The following HTR4 variants were observed in gnomAD, a reference collection of about 807,000 sequenced individuals.
HTR4 encodes 5-hydroxytryptamine receptor 4, also known as 5-hydroxytryptamine (serotonin) receptor 4, G protein-coupled.
A neutral mutation model predicts 36.8 loss-of-function variants in HTR4; 16 were observed. The observed-to-expected ratio is 0.43, with a 90% CI of 0.29 to 0.66. The LOEUF is 0.66. Among genes scored for constraint, HTR4 ranks in the 30% least tolerant of loss-of-function variants. The pLI is 0.13. For synonymous variants in HTR4, 189 were observed against 185.1 expected, an observed-to-expected ratio of 1.02 and a Z score of -0.17; for missense variants, 438 against 490.9, an observed-to-expected ratio of 0.89 and a Z score of 1.02.
In HTR4 at chr5:148,481,793, A is replaced by C; in HGVS notation, c.*1410T>G. On this transcript the variant is annotated 3_prime_UTR_variant, in exon 7 of 7. Transcript: ENST00000377888. ...CATTTACCTTCCCGGGACTTCTGCTATGGGGCATTCGCAAGAGCCACTGAC... is the reference window on the plus strand; with the variant it reads ...CATTTACCTTCCCGGGACTTCTGCTCTGGGGCATTCGCAAGAGCCACTGAC... 1 of 1,375,444 alleles carries C rather than the reference A, an allele frequency of 7.3e-7. No individual in the cohort carries two copies. Among genetic ancestry groups the C allele is most frequent in the South Asian group, 2.0e-5 (1 of 51,074 alleles). The allele number at this position is 1,375,444 out of a possible 1,614,324, so 85.2% of individuals were successfully genotyped here.
In HTR4 at chr5:148,481,862, G is replaced by A; in HGVS notation, c.*1341C>T. 1 of 1,261,920 alleles carries A rather than the reference G, an allele frequency of 7.9e-7. No individual in the cohort carries two copies. Among genetic ancestry groups the A allele is most frequent in the Non-Finnish European group, 9.9e-7 (1 of 1,006,776 alleles). The allele number at this position is 1,261,920 out of a possible 1,614,324, so 78.2% of individuals were successfully genotyped here. Reference sequence around the variant, plus strand: ...CATCCAGATTAATCTGAAGGACAAAGCTGGAAAGGTCAGGGGTCTAAAAGG... The same window carrying A: ...CATCCAGATTAATCTGAAGGACAAAACTGGAAAGGTCAGGGGTCTAAAAGG... On this transcript the variant is annotated 3_prime_UTR_variant, in exon 7 of 7. Coordinates refer to ENST00000377888, the MANE Select transcript of HTR4 (RefSeq NM_000870.7).
At chr5:148,490,951 G>A in intron 6 of HTR4, 1 of 405,582 alleles carries the variant, frequency 2.5e-6, no homozygotes, top group Admixed American at 3.0e-5. Flanking sequence ...ATTCTGTAGA[G>A]AAAATCATGG....
intron 5 of HTR4, among the ~76,000 whole-genome samples, chr5:148,517,930 T>C (rs1198363510): frequency 1.3e-5 from 2 of 152,174 alleles, no homozygotes; most frequent in African/African-American, 4.8e-5. Context: ...CTTTCTCCTA[T>C]ATATTTTTTT....
intron 2 of HTR4, among the ~76,000 whole-genome samples, chr5:148,556,457 A>G (rs1245238377): frequency 1.3e-5 from 2 of 152,224 alleles, no homozygotes; most frequent in Non-Finnish European, 2.9e-5. Flanking sequence ...TAAATTTCTT[A>G]TTCATCAAAT....
intron 4 of HTR4, among the ~76,000 whole-genome samples, chr5:148,542,338 A>G (rs1759158338): frequency 6.6e-6 from 1 of 152,236 alleles, no homozygotes; most frequent in African/African-American, 2.4e-5. Flanking sequence ...ACAATGACAG[A>G]CACTTTTCAT....
chr5:148,506,055 C>T (rs1028320403), intron 6 of HTR4, among the ~76,000 whole-genome samples: 39 of 151,946 alleles, frequency 2.6e-4, no homozygotes, highest in African/African-American at 8.0e-4. Context: ...AAAAAGAGCC[C>T]GCATTGCCAA....
intron 2 of HTR4, among the ~76,000 whole-genome samples, chr5:148,609,264 G>A (rs1367258972): frequency 6.6e-6 from 1 of 152,292 alleles, no homozygotes; most frequent in East Asian, 1.9e-4. Context: ...TTTGTTCAGT[G>A]TTCCACTGAT....
intron 2 of HTR4, among the ~76,000 whole-genome samples, chr5:148,621,454 C>A (rs1288486735): frequency 1.3e-5 from 2 of 152,210 alleles, no homozygotes; most frequent in Non-Finnish European, 2.9e-5. Context: ...CCACCTAGCA[C>A]ACCTAGCAGT....
intron 5 of HTR4, among the ~76,000 whole-genome samples, chr5:148,516,075 T>A (rs1468325225): frequency 6.6e-6 from 1 of 151,006 alleles, no homozygotes; most frequent in Admixed American, 6.6e-5. Context: ...ATCAGAATGG[T>A]CTGTAATAAA....
intron 4 of HTR4, among the ~76,000 whole-genome samples, chr5:148,547,368 A>C (rs1254600430): frequency 6.6e-6 from 1 of 151,896 alleles, no homozygotes; most frequent in East Asian, 1.9e-4. Flanking sequence ...AAATACAAAA[A>C]ATTAGCTGGG....
intron 4 of HTR4, among the ~76,000 whole-genome samples, chr5:148,542,871 T>C (rs759633486): frequency 2.0e-5 from 3 of 152,166 alleles, no homozygotes; most frequent in Admixed American, 6.5e-5. Flanking sequence ...TAAGGGGAAC[T>C]GGTATCTCCT....
intron 5 of HTR4, among the ~76,000 whole-genome samples, chr5:148,519,128 A>G (rs989089835): frequency 3.3e-5 from 5 of 152,202 alleles, no homozygotes; most frequent in African/African-American, 1.2e-4. Context: ...TTGAAGTCGT[A>G]TAATTCCCTT....
chr5:148,484,667 C>G (rs571015831), intron 6 of HTR4, among the ~76,000 whole-genome samples: 1 of 152,268 alleles, frequency 6.6e-6, no homozygotes, highest in Admixed American at 6.5e-5. Context: ...CTAAAATGTT[C>G]TCTTCTTTCC....
chr5:148,652,336 C>G (rs1013951083), intron 1 of HTR4, among the ~76,000 whole-genome samples: 2 of 152,084 alleles, frequency 1.3e-5, no homozygotes, highest in African/African-American at 4.8e-5. Context: ...GACTTCAGTT[C>G]CCAGCCTGGG....
intron 1 of HTR4, among the ~76,000 whole-genome samples, chr5:148,652,104 A>G (rs56289442): frequency 0.19 from 29,543 of 152,200 alleles, 3,450 homozygotes; most frequent in East Asian, 0.4. Flanking sequence ...AAAGGTGTTC[A>G]ATTCATGTAT....
chr5:148,479,858 C>T (rs1581355630), downstream of HTR4, among the ~76,000 whole-genome samples: 1 of 152,220 alleles, frequency 6.6e-6, no homozygotes, highest in Admixed American at 6.5e-5. Context: ...GTATAAGTGG[C>T]CCCTTTGTAA....
At chr5:148,591,346 T>G (rs914333575) in intron 2 of HTR4, among the ~76,000 whole-genome samples, 1 of 152,136 alleles carries the variant, frequency 6.6e-6, no homozygotes, top group African/African-American at 2.4e-5. Flanking sequence ...TTAAAATAGG[T>G]TTTTTTAATA....
chr5:148,521,110 A>G, intron 5 of HTR4: 2 of 1,043,324 alleles, frequency 1.9e-6, no homozygotes, highest in Non-Finnish European at 2.6e-6. Flanking sequence ...CCACTTCTAC[A>G]GCAAGTGCCT....
intron 6 of HTR4, among the ~76,000 whole-genome samples, chr5:148,486,178 T>G (rs183218437): frequency 3.0e-4 from 45 of 152,344 alleles, no homozygotes; most frequent in Non-Finnish European, 5.7e-4. Context: ...AGTGATCTTA[T>G]GGTCAGTTGG....
Sources: gnomAD v4.1 joint callset for allele counts (sites outside exome capture counted in the v4.1 genomes callset) on GRCh38, gnomAD v4.1.1 for gene constraint, MANE v1.5 for transcripts, NCBI Gene and HGNC (gene_info 2026-07-23, HGNC 2026-07-21) for gene names.